DSCAML1: variants seen among roughly 807,000 people sequenced by gnomAD.
The protein encoded by DSCAML1 is DS cell adhesion molecule like 1.
A neutral mutation model predicts 200.5 loss-of-function variants in DSCAML1; 38 were observed. The observed-to-expected ratio is 0.19, with a 90% CI of 0.15 to 0.25. DSCAML1 has a LOEUF of 0.25. Among genes scored for constraint, DSCAML1 ranks in the 10% least tolerant of loss-of-function variants. The pLI is 1.00. For synonymous variants in DSCAML1, 1,215 were observed against 1,165.0 expected (o/e 1.04, Z -0.87); for missense variants, 2,223 against 2,858.8 (o/e 0.78, Z 5.07).
chr11:117,542,426 G>A (rs1442296609), intron 3 of DSCAML1, among the ~76,000 whole-genome samples: 3 of 152,192 alleles, frequency 2.0e-5, no homozygotes, highest in Non-Finnish European at 4.4e-5. Context: ...AGCTGCCTTG[G>A]GTGGTTCCAT....
Position 117,489,062 on chromosome 11 carries a change from T to C in DSCAML1, c.2360-6900A>G, listed in dbSNP as rs1256732087. Among the ~76,000 whole-genome samples the C allele has an allele frequency of 6.6e-6, 1 of 152,198 alleles. No individual in the cohort carries two copies. The highest frequency in any genetic ancestry group is 2.4e-5 in the African/African-American group (1 of 41,440). On this transcript the variant is annotated intron_variant, in intron 11 of 32. Transcript: ENST00000651296. The surrounding 1 kb of genome is among the most constrained non-coding windows in gnomAD (Gnocchi z 4.8). ...AGTCTTATCATCTCCACTTTTCAAA[T>C]GAGGAAACTGAGGCTTCCAGAAAGT...
At chr11:117,781,543 G>A (rs531813965) in intron 1 of DSCAML1, among the ~76,000 whole-genome samples, 4 of 152,336 alleles carry the variant, frequency 2.6e-5, no homozygotes, top group African/African-American at 9.6e-5. Context: ...GAAGAGTGCA[G>A]GAGACCTTGA....
chr11:117,568,239 T>C (rs2050788991), intron 3 of DSCAML1, among the ~76,000 whole-genome samples: 2 of 152,188 alleles, frequency 1.3e-5, no homozygotes, highest in Admixed American at 1.3e-4. Flanking sequence ...TAATAACAGC[T>C]ATCTATGACA....
intron 3 of DSCAML1, among the ~76,000 whole-genome samples, chr11:117,582,613 G>A (rs574027978): frequency 7.2e-4 from 109 of 152,346 alleles, no homozygotes; most frequent in African/African-American, 2.3e-3. Flanking sequence ...GATGGACAGT[G>A]AAGGGGACCC....
intron 3 of DSCAML1, among the ~76,000 whole-genome samples, chr11:117,761,972 A>G (rs1406947087): frequency 6.6e-6 from 1 of 152,238 alleles, no homozygotes; most frequent in Admixed American, 6.5e-5. Context: ...CTATTCACAC[A>G]GTGCCTGGCA....
At chr11:117,771,657 G>A (rs141565428) in intron 3 of DSCAML1, among the ~76,000 whole-genome samples, 22 of 152,286 alleles carry the variant, frequency 1.4e-4, no homozygotes, top group African/African-American at 4.6e-4. Context: ...CCGGAAGACC[G>A]GCTCACATCC....
rs759388450 is a variant in DSCAML1, at chr11:117,810,049, TCA to T, written c.-250+7339_-250+7340del. On this transcript the variant is annotated intron_variant, in intron 1 of 2. Coordinates refer to the DSCAML1 transcript ENST00000525836. ...CAAATATTTTCACACACATTCACACTCACACACATTCACACACTCACTTACAC... is the reference window on the plus strand; with the variant it reads ...CAAATATTTTCACACACATTCACACTCACACATTCACACACTCACTTACAC... Among the ~76,000 whole-genome samples the T allele has an allele frequency of 1.8e-4, 27 of 150,362 alleles. No individual in the cohort carries two copies. In the South Asian group the frequency reaches 3.2e-3, roughly 18 times the overall value.
At chr11:117,488,423 T>C (rs1160333835) in intron 11 of DSCAML1, among the ~76,000 whole-genome samples, 3 of 152,190 alleles carry the variant, frequency 2.0e-5, no homozygotes, top group Non-Finnish European at 4.4e-5. Context: ...ACTCTCTCTA[T>C]ATGGAGACCA....
chr11:117,738,854 C>T (rs2054371249), intron 3 of DSCAML1, among the ~76,000 whole-genome samples: 1 of 152,216 alleles, frequency 6.6e-6, no homozygotes, highest in African/African-American at 2.4e-5. Context: ...CTCCAAGTCT[C>T]TCTGCAGCAG....
At chr11:117,566,356 C>CTTT (rs367644615) in intron 3 of DSCAML1, among the ~76,000 whole-genome samples, 1 of 120,356 alleles carries the variant, frequency 8.3e-6, no homozygotes, top group Admixed American at 8.6e-5. Context: ...CTCTCTCTCT[C>CTTT]TTTTTTTTTT....
chr11:117,583,821 A>T (rs1192967180), intron 3 of DSCAML1, among the ~76,000 whole-genome samples: 2 of 152,230 alleles, frequency 1.3e-5, no homozygotes, highest in Admixed American at 6.5e-5. Flanking sequence ...CAACTCCCAC[A>T]TTCCTTGTGA....
At chr11:117,773,137 T>A (rs551090818) in intron 3 of DSCAML1, among the ~76,000 whole-genome samples, 7 of 152,242 alleles carry the variant, frequency 4.6e-5, no homozygotes, top group South Asian at 4.1e-4. Context: ...TTGTTTTTGG[T>A]CCCAAGCCTT....
chr11:117,676,437 G>C (rs2053215058), intron 3 of DSCAML1, among the ~76,000 whole-genome samples: 1 of 152,192 alleles, frequency 6.6e-6, no homozygotes, highest in Non-Finnish European at 1.5e-5. Flanking sequence ...GTGAGGTCTG[G>C]GAGATATCTG....
At chr11:117,477,833 T>C (rs2048828801) in intron 14 of DSCAML1, among the ~76,000 whole-genome samples, 1 of 152,212 alleles carries the variant, frequency 6.6e-6, no homozygotes, top group African/African-American at 2.4e-5. Context: ...ATGTGACAGA[T>C]GCCTGCCTGG....
At chr11:117,797,505 T>C (rs2055606798), upstream of DSCAML1, among the ~76,000 whole-genome samples, 1 of 152,220 alleles carries the variant, frequency 6.6e-6, no homozygotes, top group Admixed American at 6.5e-5. Context: ...CAGCCTGCCA[T>C]GCTTCAGCCA....
At chr11:117,570,553 T>C (rs2050831101) in intron 3 of DSCAML1, among the ~76,000 whole-genome samples, 1 of 152,144 alleles carries the variant, frequency 6.6e-6, no homozygotes, top group Admixed American at 6.5e-5. Flanking sequence ...GCTAGATGAG[T>C]ACTTGGCACC....
At chr11:117,438,255 G>A (rs139464379) in intron 24 of DSCAML1, among the ~76,000 whole-genome samples, 172 bp from the exon 25 acceptor site, 57 of 152,256 alleles carry the variant, frequency 3.7e-4, no homozygotes, top group African/African-American at 1.3e-3. Flanking sequence ...ATCAGCCCCA[G>A]TCAACTCTCT....
intron 8 of DSCAML1, among the ~76,000 whole-genome samples, chr11:117,507,623 T>G (rs2137283184): frequency 6.6e-6 from 1 of 152,256 alleles, no homozygotes; most frequent in Non-Finnish European, 1.5e-5. Flanking sequence ...CACCTCGCGC[T>G]CACTCCAGCC....
At chr11:117,810,099 TCA>T (rs2055748380) in intron 1 of DSCAML1, among the ~76,000 whole-genome samples, 1 of 151,954 alleles carries the variant, frequency 6.6e-6, no homozygotes, top group Admixed American at 6.6e-5. Flanking sequence ...ATACACACAT[TCA>T]CATACATACA....
Sources: gnomAD v4.1 joint callset for allele counts (sites outside exome capture counted in the v4.1 genomes callset) on GRCh38, gnomAD v4.1.1 for gene constraint, Gnocchi (gnomAD v3.1) non-coding constraint, MANE v1.5 for transcripts, NCBI Gene and HGNC (gene_info 2026-07-23, HGNC 2026-07-21) for gene names.